CHN2: variants seen among roughly 807,000 people sequenced by gnomAD.
The protein encoded by CHN2 is beta-chimaerin.
A neutral mutation model predicts 56.3 loss-of-function variants in CHN2; 35 were observed. The observed-to-expected ratio is 0.62, with a 90% CI of 0.47 to 0.82. The LOEUF is 0.82. CHN2 is among the 40% of genes least tolerant of loss of function. The pLI, the probability that CHN2 is intolerant of heterozygous loss-of-function variation, is 0.00. For missense variants in CHN2, 491 were observed against 580.5 expected (o/e 0.85, Z 1.58); for synonymous variants, 210 against 212.8 (o/e 0.99, Z 0.12).
intron 1 of CHN2, among the ~76,000 whole-genome samples, chr7:29,258,182 C>T (rs900181611): frequency 1.3e-5 from 2 of 152,260 alleles, no homozygotes; most frequent in South Asian, 4.1e-4. Flanking sequence ...ATGTAATTGT[C>T]ATCCAAACTG....
intron 6 of CHN2, chr7:29,479,651 G>GTATC: frequency 9.7e-7 from 1 of 1,029,062 alleles, no homozygotes; most frequent in Non-Finnish European, 1.2e-6. Flanking sequence ...CAGAGCCCCA[G>GTATC]ATTAATTGGA....
chr7:29,256,018 G>C (rs1789049307), intron 1 of CHN2, among the ~76,000 whole-genome samples: 1 of 152,180 alleles, frequency 6.6e-6, no homozygotes, highest in Non-Finnish European at 1.5e-5. Flanking sequence ...GTTCCTGACA[G>C]CCAGAGCAGA....
intron 6 of CHN2, among the ~76,000 whole-genome samples, chr7:29,468,533 T>G (rs72596063): frequency 0.094 from 14,245 of 152,132 alleles, 869 homozygotes; most frequent in South Asian, 0.2. Flanking sequence ...TCAGTAGCTT[T>G]CTTTCTTTCT....
chr7:29,395,279 T>C (rs1055975228), intron 4 of CHN2, among the ~76,000 whole-genome samples: 10 of 152,342 alleles, frequency 6.6e-5, no homozygotes, highest in African/African-American at 2.4e-4. Context: ...TCCCAGCACT[T>C]TGGGAGGCCA....
chr7:29,486,439 A>G (rs1490095762), intron 7 of CHN2, among the ~76,000 whole-genome samples: 1 of 152,110 alleles, frequency 6.6e-6, no homozygotes, highest in African/African-American at 2.4e-5. Flanking sequence ...GGAGAGATGG[A>G]GGCCCTATCA....
At chr7:29,216,138 A>G (rs1785322190) in intron 1 of CHN2, among the ~76,000 whole-genome samples, 1 of 152,214 alleles carries the variant, frequency 6.6e-6, no homozygotes, top group African/African-American at 2.4e-5. Flanking sequence ...TTTCCTCAAA[A>G]TTAAAAAAGC....
intron 6 of CHN2, among the ~76,000 whole-genome samples, chr7:29,419,550 A>T (rs1314812983): frequency 6.6e-6 from 1 of 152,210 alleles, no homozygotes; most frequent in African/African-American, 2.4e-5. Context: ...AAGGCAACTT[A>T]TGGAATGGGA....
rs560777513 is a variant in CHN2 at position 29,242,923 on chromosome 7, CAT to C, written c.49+47934_49+47935del. Among the ~76,000 whole-genome samples, 70 of 151,368 alleles carry C rather than the reference CAT, an allele frequency of 4.6e-4. 1 individual carries two copies. The South Asian group carries it at 4.8e-3, about 10-fold the overall frequency. On this transcript the variant is annotated intron_variant, in intron 1 of 12. Transcript: ENST00000222792. ...GGAAATGAGCTTTAAACTTTCCACA[CAT>C]GTTAAAAAATATTTTCACGTGCAGG... is the stretch of plus-strand genomic sequence containing the variant.
intron 12 of CHN2, chr7:29,509,658 C>G (rs1430174665): frequency 3.8e-5 from 11 of 287,012 alleles, no homozygotes; most frequent in African/African-American, 2.4e-4. Flanking sequence ...TCCTGGCTAA[C>G]ACGGTGAAAC....
At chr7:29,425,625 A>G (rs1473288486) in intron 6 of CHN2, among the ~76,000 whole-genome samples, 1 of 152,158 alleles carries the variant, frequency 6.6e-6, no homozygotes, top group Non-Finnish European at 1.5e-5. Flanking sequence ...GAAGTGGGGT[A>G]TTCGGGTAGG....
At chr7:29,262,955 TA>T (rs1789685938) in intron 1 of CHN2, among the ~76,000 whole-genome samples, 1 of 152,226 alleles carries the variant, frequency 6.6e-6, no homozygotes, top group Non-Finnish European at 1.5e-5. Context: ...GTGAAGATGG[TA>T]AAATTTATGT....
chr7:29,189,666 A>T (rs536911450), intron 2 of CHN2, among the ~76,000 whole-genome samples: 1 of 146,322 alleles, frequency 6.8e-6, no homozygotes, highest in South Asian at 2.2e-4. Context: ...AGAAAGAAAA[A>T]CTCTCTCTCT....
At chr7:29,292,787 T>C (rs1410415028) in intron 1 of CHN2, 2 of 421,712 alleles carry the variant, frequency 4.7e-6, no homozygotes, top group Non-Finnish European at 9.7e-6. Flanking sequence ...TCCACCTTTA[T>C]CTGTATTCAA....
chr7:29,390,910 G>GA (rs1278103856), intron 3 of CHN2, among the ~76,000 whole-genome samples: 1 of 152,114 alleles, frequency 6.6e-6, no homozygotes, highest in African/African-American at 2.4e-5. Context: ...TTGAAGAAAT[G>GA]TAGACGTTGT....
chr7:29,211,964 TCAA>T (rs1784992764), intron 1 of CHN2, among the ~76,000 whole-genome samples: 1 of 152,194 alleles, frequency 6.6e-6, no homozygotes, highest in Admixed American at 6.5e-5. Flanking sequence ...CCATCCAACT[TCAA>T]CAATGATCGC....
intron 3 of CHN2, among the ~76,000 whole-genome samples, chr7:29,368,441 G>A (rs2128041448): frequency 6.6e-6 from 1 of 152,236 alleles, no homozygotes; most frequent in East Asian, 1.9e-4. Flanking sequence ...TTACAAAAAA[G>A]TGATGAGGTT....
At chr7:29,198,599 C>CT (rs1783921633) in intron 1 of CHN2, among the ~76,000 whole-genome samples, 1 of 152,020 alleles carries the variant, frequency 6.6e-6, no homozygotes, top group South Asian at 2.1e-4. Context: ...CTTTGATTAC[C>CT]TTTATTATTT....
At chr7:29,261,867 A>G (rs1429315683) in intron 1 of CHN2, among the ~76,000 whole-genome samples, 1 of 152,190 alleles carries the variant, frequency 6.6e-6, no homozygotes, top group African/African-American at 2.4e-5. Context: ...TATTTTAAAG[A>G]GCAATAAAGT....
At chr7:29,307,281 A>G (rs1285590578) in intron 1 of CHN2, among the ~76,000 whole-genome samples, 1 of 152,242 alleles carries the variant, frequency 6.6e-6, no homozygotes, top group Non-Finnish European at 1.5e-5. Context: ...ACTACATAAT[A>G]AGTTCAGTTT....
Sources: gnomAD v4.1 joint callset for allele counts (sites outside exome capture counted in the v4.1 genomes callset) on GRCh38, gnomAD v4.1.1 for gene constraint, MANE v1.5 for transcripts, NCBI Gene and HGNC (gene_info 2026-07-23, HGNC 2026-07-21) for gene names.